PTPRJ: variants seen among roughly 807,000 people sequenced by gnomAD.
The protein encoded by PTPRJ is protein tyrosine phosphatase receptor type J, also known as receptor-type tyrosine-protein phosphatase eta.
In PTPRJ, 129 loss-of-function variants were observed where a neutral mutation model predicts 141.3. The observed-to-expected ratio is 0.91, with a 90% CI of 0.79 to 1.06. The LOEUF (loss-of-function observed/expected upper bound fraction) is 1.06. PTPRJ is among the 50% of genes least tolerant of loss of function. The pLI is 0.00. For missense variants in PTPRJ, 1,601 were observed against 1,679.7 expected, an observed-to-expected ratio of 0.95 and a Z score of 0.82; for synonymous variants, 610 against 640.5, an observed-to-expected ratio of 0.95 and a Z score of 0.72.
chr11:48,107,051 G>A (rs1265193525), intron 1 of PTPRJ, among the ~76,000 whole-genome samples: 2 of 152,070 alleles, frequency 1.3e-5, no homozygotes, highest in African/African-American at 2.4e-5. Context: ...TTACAAGTGT[G>A]AGCCACTGCT....
At chr11:48,079,193 A>G (rs1430423821) in intron 1 of PTPRJ, among the ~76,000 whole-genome samples, 1 of 152,104 alleles carries the variant, frequency 6.6e-6, no homozygotes, top group Non-Finnish European at 1.5e-5. Context: ...AAAATGTTTT[A>G]AGAAAGTTTA....
chr11:48,163,093 A>G (rs899693649), intron 22 of PTPRJ, among the ~76,000 whole-genome samples: 2 of 152,074 alleles, frequency 1.3e-5, no homozygotes, highest in Admixed American at 1.3e-4. Context: ...AGCTCTAAGG[A>G]GGTGCAGGTG....
At position 48,144,887 on chromosome 11, in the gene PTPRJ, T is replaced by G; in HGVS notation, c.2786+2T>G. The G allele has an allele frequency of 6.2e-7, 1 of 1,614,124 alleles. No homozygotes were observed. The highest frequency in any genetic ancestry group is 8.5e-7 in the Non-Finnish European group (1 of 1,179,978). On this transcript the variant is annotated splice_donor_variant, in intron 13 of 24. Coordinates refer to ENST00000418331, the MANE Select transcript of PTPRJ (RefSeq NM_002843.4). LOFTEE classifies it high-confidence loss of function. Reference sequence around the variant, plus strand: ...GCTGGAACCTCTGGGCTCCTACCGGTAATGTCTTCTGGTTCTTACTCTTTG... The same window carrying G: ...GCTGGAACCTCTGGGCTCCTACCGGGAATGTCTTCTGGTTCTTACTCTTTG...
intron 3 of PTPRJ, among the ~76,000 whole-genome samples, chr11:48,114,768 A>G (rs1199595649): frequency 6.6e-6 from 1 of 152,378 alleles, no homozygotes; most frequent in East Asian, 1.9e-4. Flanking sequence ...AATTCAAAAT[A>G]CATGTTTTAA....
chr11:48,095,003 T>C (rs954008980), intron 1 of PTPRJ, among the ~76,000 whole-genome samples: 1 of 152,148 alleles, frequency 6.6e-6, no homozygotes, highest in African/African-American at 2.4e-5. Flanking sequence ...CTGAGGCTCC[T>C]TGAGAAGCAT....
At chr11:48,123,049 A>G (rs1044801788) in intron 4 of PTPRJ, among the ~76,000 whole-genome samples, 3 of 152,342 alleles carry the variant, frequency 2.0e-5, no homozygotes, top group Middle Eastern at 6.8e-3. Context: ...TTATGTCACC[A>G]TCAACCAAAT....
intron 21 of PTPRJ, among the ~76,000 whole-genome samples, chr11:48,159,274 A>G (rs1590569478): frequency 1.3e-5 from 2 of 152,116 alleles, no homozygotes; most frequent in South Asian, 4.1e-4. Context: ...GAATGATTTA[A>G]TTTGATTTTC....
chr11:48,151,277 C>T (rs1297818367), intron 18 of PTPRJ, among the ~76,000 whole-genome samples: 3 of 151,882 alleles, frequency 2.0e-5, no homozygotes, highest in Non-Finnish European at 4.4e-5. Context: ...GAGCCCCAGG[C>T]GTCCCTTGGT....
At chr11:47,995,899 G>T (rs1220406681) in intron 1 of PTPRJ, among the ~76,000 whole-genome samples, 1 of 152,094 alleles carries the variant, frequency 6.6e-6, no homozygotes, top group Non-Finnish European at 1.5e-5. Flanking sequence ...TTAACAGGGT[G>T]TGGTGGCACA....
chr11:48,029,322 G>C (rs937656691), intron 1 of PTPRJ, among the ~76,000 whole-genome samples: 1 of 152,158 alleles, frequency 6.6e-6, no homozygotes, highest in East Asian at 1.9e-4. Flanking sequence ...GATTTTGCTA[G>C]AGGGAAAAAA....
In PTPRJ at chr11:48,143,021, C is replaced by A. The variant is rs765758465; in HGVS notation, c.2546C>A (p.Ala849Asp). 1.2e-6 allele frequency: 2 copies of A among 1,614,132 alleles called. No individual in the cohort carries two copies. The highest frequency in any genetic ancestry group is 1.7e-6 in the Non-Finnish European group (2 of 1,179,998). Reference sequence around the variant, plus strand: ...GAAGCCAGCCACGGACCCATCAAAGCCTATGCTGTCATTCTCACCACCGGG... The same window carrying A: ...GAAGCCAGCCACGGACCCATCAAAGACTATGCTGTCATTCTCACCACCGGG... ...GFEASHGPIK[A>D]YAVILTTGEA... is the part of the protein sequence containing the mutation. The change falls in exon 12 of 25, where the codon GCC (alanine) becomes GAC (aspartate). Residue 849 changes from alanine to aspartate, a missense_variant. Ala to Asp is a moderately radical substitution (Grantham distance 126). Transcript: ENST00000418331.
chr11:48,126,664 T>C (rs1856839594), intron 6 of PTPRJ, among the ~76,000 whole-genome samples: 1 of 151,242 alleles, frequency 6.6e-6, no homozygotes. Context: ...AGGAGGGAGG[T>C]AATTCATGAT....
intron 1 of PTPRJ, among the ~76,000 whole-genome samples, chr11:47,984,878 A>AC (rs1854007962): frequency 8.3e-6 from 1 of 120,132 alleles, no homozygotes; most frequent in Non-Finnish European, 1.7e-5. Context: ...TTTTGAGATG[A>AC]AGTCTAGCTC....
In PTPRJ at chr11:48,024,610, C is replaced by T. The variant is rs530420349; in HGVS notation, c.96+43602C>T. Reference sequence around the variant, plus strand: ...TTTCCTTGCATCTGTCCCAAGCAGCCGTTGCTAATGGGAATGAGTGTCAGG... The same window carrying T: ...TTTCCTTGCATCTGTCCCAAGCAGCTGTTGCTAATGGGAATGAGTGTCAGG... On this transcript the variant is annotated intron_variant, in intron 1 of 24. Coordinates refer to ENST00000418331, the MANE Select transcript of PTPRJ (RefSeq NM_002843.4). 6.6e-5 allele frequency among the ~76,000 whole-genome samples: 10 copies of T among 152,318 alleles called. 1 individual carries two copies. The highest frequency in any genetic ancestry group is 4.1e-4 in the South Asian group (2 of 4,824).
At position 47,980,666 on chromosome 11, in the gene PTPRJ, C is replaced by A. The variant is rs1328593348; in HGVS notation, c.-247C>A. 1.0e-6 allele frequency: 1 copy of A among 986,758 alleles called. No homozygotes were observed. Among genetic ancestry groups the A allele is most frequent in the Admixed American group, 6.2e-5 (1 of 16,146 alleles). The allele number at this position is 986,758 out of a possible 1,614,324, so 61.1% of individuals were successfully genotyped here. On this transcript the variant is annotated 5_prime_UTR_variant, in exon 1 of 25. Coordinates refer to ENST00000418331, the MANE Select transcript of PTPRJ (RefSeq NM_002843.4). ...CGCCGCTCGCTCCGCCCCGCGAAGC[C>A]CCTGCGCGCTCAGGGACGCGGCCCC...
At chr11:48,001,349 AGTGTGTGTGTGTGTGTGTGTGTGT>A (rs57503257) in intron 1 of PTPRJ, among the ~76,000 whole-genome samples, 2 of 134,678 alleles carry the variant, frequency 1.5e-5, no homozygotes, top group Admixed American at 1.5e-4. Context: ...ACAGCCCCAA[AGTGTGTGTGTGTGTGTGTGTGTGT>A]GTGTGTGTGT....
intron 10 of PTPRJ, among the ~76,000 whole-genome samples, chr11:48,137,550 A>G (rs1051910536): frequency 1.3e-5 from 2 of 152,222 alleles, no homozygotes; most frequent in Non-Finnish European, 2.9e-5. Flanking sequence ...ATGTTTACCT[A>G]GAGTGCTCAG....
intron 18 of PTPRJ, among the ~76,000 whole-genome samples, chr11:48,152,334 T>C (rs1422477208): frequency 6.6e-6 from 1 of 151,736 alleles, no homozygotes; most frequent in Non-Finnish European, 1.5e-5. Flanking sequence ...TTCTTTGTAG[T>C]TTCTGGATAT....
At chr11:48,001,739 T>C (rs966716703) in intron 1 of PTPRJ, among the ~76,000 whole-genome samples, 1 of 152,174 alleles carries the variant, frequency 6.6e-6, no homozygotes, top group Non-Finnish European at 1.5e-5. Flanking sequence ...GCAACCAGCC[T>C]GAGGCCACAC....
Sources: gnomAD v4.1 joint callset for allele counts (sites outside exome capture counted in the v4.1 genomes callset) on GRCh38, gnomAD v4.1.1 for gene constraint, MANE v1.5 for transcripts, NCBI Gene and HGNC (gene_info 2026-07-23, HGNC 2026-07-21) for gene names.